Variants in UGT1A9 observed in about 807,000 individuals in gnomAD.
The protein encoded by UGT1A9 is UDP-glucuronosyltransferase 1A9.
In UGT1A9, 35 loss-of-function variants were observed where a neutral mutation model predicts 45.0. The ratio of observed to expected loss-of-function variants is 0.78; its 90% CI spans 0.59 to 1.03. UGT1A9 has a LOEUF of 1.03. Ranked by LOEUF, UGT1A9 falls within the 50% of genes least tolerant of loss-of-function variation. UGT1A9 has a pLI of 0.00. For missense variants in UGT1A9, 687 were observed against 666.6 expected, an observed-to-expected ratio of 1.03 and a Z score of -0.34; for synonymous variants, 278 against 250.6, an observed-to-expected ratio of 1.11 and a Z score of -1.03.
chr2:233,715,511 C>T (rs1206951556), intron 1 of UGT1A9, among the ~76,000 whole-genome samples: 1 of 152,146 alleles, frequency 6.6e-6, no homozygotes, highest in African/African-American at 2.4e-5. Flanking sequence ...GTAGCTCACA[C>T]CTGTAATTTC....
chr2:233,676,692 G>T (rs1472017831), intron 1 of UGT1A9, among the ~76,000 whole-genome samples: 1 of 152,146 alleles, frequency 6.6e-6, no homozygotes, highest in Non-Finnish European at 1.5e-5. Flanking sequence ...GTGTCCTGTA[G>T]AATGTTCCTC....
chr2:233,743,876 G>A (rs1382161508), intron 1 of UGT1A9: 2 of 1,367,016 alleles, frequency 1.5e-6, no homozygotes. Flanking sequence ...CTCGGATGAG[G>A]CCTGCCGGGG....
intron 1 of UGT1A9, among the ~76,000 whole-genome samples, chr2:233,694,700 T>A (rs1054532656): frequency 1.3e-5 from 2 of 152,236 alleles, no homozygotes; most frequent in African/African-American, 4.8e-5. Context: ...CTTACCTCTC[T>A]TCTTTACACC....
intron 1 of UGT1A9, among the ~76,000 whole-genome samples, chr2:233,712,177 C>T (rs28898598): frequency 0.021 from 3,273 of 152,310 alleles, 114 homozygotes; most frequent in African/African-American, 0.075. Context: ...GATCTGAGGC[C>T]AGGCTCCAGC....
intron 1 of UGT1A9, chr2:233,760,299 G>A (rs781590934): frequency 6.2e-7 from 1 of 1,613,582 alleles, no homozygotes. Context: ...TGGCTGTGGA[G>A]TCCCAGGGCG....
At chr2:233,762,380 T>C (rs1370857903) in intron 1 of UGT1A9, among the ~76,000 whole-genome samples, 1 of 152,256 alleles carries the variant, frequency 6.6e-6, no homozygotes, top group Non-Finnish European at 1.5e-5. Context: ...AATATGTATA[T>C]AGAAACATAT....
rs999481021 is a variant in UGT1A9, at chr2:233,751,049, A to G, written c.856-15985A>G. On this transcript the variant is annotated intron_variant, in intron 1 of 4. Transcript: ENST00000354728. The stretch of plus-strand genomic sequence containing the variant: ...ATAGCTTGCACTGTGTGCCTGGAAA[A>G]GACACAGACACTCAATGCCAGCCTC... Among the ~76,000 whole-genome samples, 4 of 151,908 alleles carry G rather than the reference A, an allele frequency of 2.6e-5. 1 individual carries two copies. The highest frequency in any genetic ancestry group is 9.7e-5 in the African/African-American group (4 of 41,164).
At chr2:233,719,630 G>A in intron 1 of UGT1A9, 1 of 1,614,064 alleles carries the variant, frequency 6.2e-7, no homozygotes, top group Non-Finnish European at 8.5e-7. Flanking sequence ...GGCCGATCAT[G>A]CCCAACATGG....
intron 1 of UGT1A9, among the ~76,000 whole-genome samples, chr2:233,715,415 T>A (rs2076450298): frequency 6.6e-6 from 1 of 152,186 alleles, no homozygotes; most frequent in Non-Finnish European, 1.5e-5. Context: ...TAAAATACAT[T>A]TTATCTGATA....
intron 1 of UGT1A9, among the ~76,000 whole-genome samples, chr2:233,727,690 C>G (rs1223646501): frequency 6.6e-6 from 1 of 152,230 alleles, no homozygotes; most frequent in African/African-American, 2.4e-5. Context: ...GAATCATCCT[C>G]TACTGGACAG....
chr2:233,747,722 GT>G (rs574078556), intron 1 of UGT1A9: 15 of 1,612,642 alleles, frequency 9.3e-6, no homozygotes, highest in Middle Eastern at 1.6e-4. Context: ...TTCCTGCTGT[GT>G]TTTTTTTGAG....
chr2:233,701,392 G>A (rs2075625527), intron 1 of UGT1A9, among the ~76,000 whole-genome samples: 1 of 151,982 alleles, frequency 6.6e-6, no homozygotes, highest in South Asian at 2.1e-4. Flanking sequence ...CACAATAATA[G>A]TGGGAGACTT....
chr2:233,754,994 G>A, intron 1 of UGT1A9: 2 of 1,293,996 alleles, frequency 1.5e-6, no homozygotes. Flanking sequence ...GGTCACGGAA[G>A]CTGAAGACCT....
chr2:233,693,916 C>T (rs1297331080), intron 1 of UGT1A9: 2 of 1,611,140 alleles, frequency 1.2e-6, no homozygotes, highest in South Asian at 1.1e-5. Flanking sequence ...AGGCTCTGTC[C>T]TCCCTCACTC....
intron 1 of UGT1A9, chr2:233,743,352 C>T (rs987483436): frequency 9.4e-6 from 9 of 961,748 alleles, no homozygotes; most frequent in African/African-American, 1.7e-5. Context: ...TCGACATGGA[C>T]TTGAAGCTGC....
In UGT1A9 at chr2:233,758,028, C is replaced by A. The variant is rs116537239; in HGVS notation, c.856-9006C>A. 3.8e-3 allele frequency among the ~76,000 whole-genome samples: 585 copies of A among 152,248 alleles called. 2 individuals are homozygous for A. Among genetic ancestry groups the A allele is most frequent in the African/African-American group, 0.013 (559 of 41,526 alleles). On this transcript the variant is annotated intron_variant, in intron 1 of 4. Coordinates refer to ENST00000354728, the MANE Select transcript of UGT1A9 (RefSeq NM_021027.3). ...CATGAGTTTGTCTCTGTCTACCTGA[C>A]CCCTCCTTTCAGGCAAGGACCATTT...
intron 1 of UGT1A9, chr2:233,692,880 A>G: frequency 6.7e-7 from 1 of 1,501,604 alleles, no homozygotes; most frequent in Non-Finnish European, 8.8e-7. Flanking sequence ...GGTAAAATTC[A>G]GAGCAAGGGA....
At chr2:233,755,308 G>C in intron 1 of UGT1A9, 3 of 564,496 alleles carry the variant, frequency 5.3e-6, no homozygotes, top group Non-Finnish European at 8.4e-6. Flanking sequence ...CTGGCACAGC[G>C]AGCGGCAAGG....
chr2:233,714,271 C>T (rs759852980), intron 1 of UGT1A9, among the ~76,000 whole-genome samples: 2 of 152,206 alleles, frequency 1.3e-5, no homozygotes, highest in African/African-American at 4.8e-5. Context: ...CAATTGTTGA[C>T]GTGACAATTT....
Sources: gnomAD v4.1 joint callset for allele counts (sites outside exome capture counted in the v4.1 genomes callset) on GRCh38, gnomAD v4.1.1 for gene constraint, MANE v1.5 for transcripts, NCBI Gene and HGNC (gene_info 2026-07-23, HGNC 2026-07-21) for gene names.